Variants in MRPS18B observed in about 807,000 individuals in gnomAD.
MRPS18B encodes small ribosomal subunit protein mS40.
Under a neutral mutation model 28.4 loss-of-function variants are expected in MRPS18B, and 27 were observed. The ratio of observed to expected loss-of-function variants is 0.95; its 90% CI spans 0.70 to 1.31. The LOEUF is 1.31. Among genes scored for constraint, MRPS18B ranks in the 40% most tolerant of loss-of-function variants. The pLI is 0.00. For synonymous variants in MRPS18B, 118 were observed against 123.7 expected (o/e 0.95, Z 0.30); for missense variants, 343 against 335.9 (o/e 1.02, Z -0.17).
At chr6:30,622,255 G>C (rs1055061482) in intron 4 of MRPS18B, among the ~76,000 whole-genome samples, 3 of 151,780 alleles carry the variant, frequency 2.0e-5, no homozygotes, top group Non-Finnish European at 2.9e-5. Flanking sequence ...TCACCTAAAG[G>C]CTGACGTTAG....
intron 3 of MRPS18B, 38 bp downstream of exon 3, chr6:30,619,844 C>A (rs150099195): frequency 6.2e-7 from 1 of 1,609,402 alleles, no homozygotes; most frequent in South Asian, 1.1e-5. Context: ...TGCGGGGAGG[C>A]CACAAGTAAC....
chr6:30,625,255 C>T (rs1218896845), intron 6 of MRPS18B, among the ~76,000 whole-genome samples: 1 of 152,140 alleles, frequency 6.6e-6, no homozygotes, highest in Non-Finnish European at 1.5e-5. Flanking sequence ...AAAAAGTATA[C>T]CCCTCTGCTA....
At chr6:30,621,300 G>A (rs1332134784) in intron 4 of MRPS18B, among the ~76,000 whole-genome samples, 3 of 152,214 alleles carry the variant, frequency 2.0e-5, no homozygotes, top group African/African-American at 7.2e-5. Context: ...TACTTGGGAG[G>A]CTGAGGCAGG....
At position 30,619,560 on chromosome 6, in the gene MRPS18B, C is replaced by T; in HGVS notation, c.146C>T (p.Ser49Phe). 2 of 1,613,034 alleles carry T rather than the reference C, an allele frequency of 1.2e-6. No homozygotes were observed. The highest frequency in any genetic ancestry group is 1.7e-6 in the Non-Finnish European group (2 of 1,180,000). The change falls in exon 2 of 7, where the codon TCT becomes TTT. Residue 49 changes from serine (S) to phenylalanine (F), a missense_variant. Ser to Phe is a radical substitution (Grantham distance 155). Coordinates refer to ENST00000259873, the MANE Select transcript of MRPS18B (RefSeq NM_014046.4). Reference sequence around the variant, plus strand: ...GATTCTTTGTCCTCAGTTCCCATTTCTCCTTATAAGGATGAGCCCTGGAAA... The same window carrying T: ...GATTCTTTGTCCTCAGTTCCCATTTTTCCTTATAAGGATGAGCCCTGGAAA... ...EEDSLSSVPI[S>F]PYKDEPWKYL...
At chr6:30,619,006 C>T (rs910271875) in intron 1 of MRPS18B, among the ~76,000 whole-genome samples, 1 of 152,190 alleles carries the variant, frequency 6.6e-6, no homozygotes, top group African/African-American at 2.4e-5. Context: ...CAACCTCCGC[C>T]TCCCGGGTTC....
Position 30,622,870 on chromosome 6 carries a change from G to C in MRPS18B, c.393G>C (p.Thr131=). 2 of 1,612,986 alleles carry C rather than the reference G, an allele frequency of 1.2e-6. No homozygotes were observed. Among genetic ancestry groups the C allele is most frequent in the Non-Finnish European group, 8.5e-7 (1 of 1,180,022 alleles). Residue 131 remains threonine, a synonymous_variant, in exon 5 of 7, where the codon ACG becomes ACC. Coordinates refer to ENST00000259873, the MANE Select transcript of MRPS18B (RefSeq NM_014046.4). ...TGGAGCAATTTGTCTGCGCCCACAC[G>C]GGTATCATCTTCTATGCTCCATACA... ...KLLEQFVCAH[T]GIIFYAPYTG...
chr6:30,622,763 C>G, intron 4 of MRPS18B, 69 bp from the exon 5 acceptor site: 1 of 1,465,244 alleles, frequency 6.8e-7, no homozygotes, highest in Admixed American at 1.7e-5. Flanking sequence ...TGTGTACTTT[C>G]GATGTCCAAA....
chr6:30,621,922 G>C (rs1017380689), intron 4 of MRPS18B, among the ~76,000 whole-genome samples: 12 of 152,216 alleles, frequency 7.9e-5, no homozygotes, highest in Non-Finnish European at 1.5e-4. Flanking sequence ...ACTCCAGCCT[G>C]AGCAGCAGAG....
chr6:30,622,178 A>G (rs1761197833), intron 4 of MRPS18B, among the ~76,000 whole-genome samples: 1 of 152,176 alleles, frequency 6.6e-6, no homozygotes, highest in South Asian at 2.1e-4. Flanking sequence ...TTAGTTGTTT[A>G]TACATACACA....
At chr6:30,624,296 A>G (rs1761348655) in intron 5 of MRPS18B, among the ~76,000 whole-genome samples, 1 of 151,336 alleles carries the variant, frequency 6.6e-6, no homozygotes, top group East Asian at 1.9e-4. Flanking sequence ...GGGTTTCACC[A>G]TTTTGGCCAG....
At chr6:30,624,097 G>A (rs1468241099) in intron 5 of MRPS18B, among the ~76,000 whole-genome samples, 2 of 144,072 alleles carry the variant, frequency 1.4e-5, no homozygotes, top group Non-Finnish European at 3.0e-5. Flanking sequence ...TTGGGGGGGT[G>A]TGGGTGGGGG....
At chr6:30,623,024 T>TA in intron 5 of MRPS18B, 126 bp downstream of exon 5, 1 of 929,556 alleles carries the variant, frequency 1.1e-6, no homozygotes, top group Non-Finnish European at 1.6e-6. Context: ...CTGAACCTTT[T>TA]GGAAATCTTG....
At position 30,624,949 on chromosome 6, in the gene MRPS18B, A is replaced by G; in HGVS notation, c.481+7A>G. ...CAGAAAGCCAGGGATCATGGTGAGC[A>G]TGAGACGGGGCACACAGCAGTTTTG... On this transcript the variant is annotated splice_region_variant and intron_variant, in intron 6 of 6. Transcript: ENST00000259873. 2 of 1,612,996 alleles carry G rather than the reference A, an allele frequency of 1.2e-6. No homozygotes were observed. The highest frequency in any genetic ancestry group is 1.7e-5 in the Admixed American group (1 of 60,008).
At chr6:30,619,889 A>T in intron 3 of MRPS18B, 32 bp from the exon 4 acceptor site, 1 of 1,613,370 alleles carries the variant, frequency 6.2e-7, no homozygotes, top group Non-Finnish European at 8.5e-7. Flanking sequence ...GTGTTTGAAC[A>T]TCCTTAACTG....
Position 30,617,943 on chromosome 6 carries a change from G to C in MRPS18B, c.78G>C (p.Gln26His). 1 of 1,614,136 alleles carries C rather than the reference G, an allele frequency of 6.2e-7. No homozygotes were observed. The highest frequency in any genetic ancestry group is 8.5e-7 in the Non-Finnish European group (1 of 1,179,984). ...LSLFRGSHRV[Q>H]VPLQTLCTKA... ...TCTTCCGAGGTTCTCACAGAGTTCA[G>C]GTAACTCTTCGAAAGACATTTTGCA... The change falls in exon 1 of 7, where the codon CAG (glutamine) becomes CAC (histidine). Residue 26 changes from glutamine (Q) to histidine (H), a missense_variant and splice_region_variant. Coordinates refer to ENST00000259873, the MANE Select transcript of MRPS18B (RefSeq NM_014046.4).
intron 5 of MRPS18B, 113 bp downstream of exon 5, chr6:30,623,011 T>A: frequency 9.5e-7 from 1 of 1,055,986 alleles, no homozygotes; most frequent in Non-Finnish European, 1.4e-6. Flanking sequence ...CTAAAAGGTC[T>A]GGCTGAACCT....
At chr6:30,624,990 G>A (rs1761406629) in intron 6 of MRPS18B, 48 bp downstream of exon 6, 2 of 1,599,900 alleles carry the variant, frequency 1.3e-6, no homozygotes, top group Non-Finnish European at 8.6e-7. Context: ...GTATAAGGAA[G>A]ATGACTTAGG....
At chr6:30,625,066 C>T (rs1038772732) in intron 6 of MRPS18B, 124 bp downstream of exon 6, 13 of 981,018 alleles carry the variant, frequency 1.3e-5, no homozygotes, top group Admixed American at 4.3e-5. Context: ...TTCTTCCTGA[C>T]GTTACATTGT....
chr6:30,622,817 C>T lies in MRPS18B; in HGVS notation c.355-15C>T, dbSNP rs775248906. On this transcript the variant is annotated splice_polypyrimidine_tract_variant and intron_variant, in intron 4 of 6. Coordinates refer to ENST00000259873, the MANE Select transcript of MRPS18B (RefSeq NM_014046.4). ...GCCTCTTTTCCTCACGTTTCTCTAC[C>T]ACTTTCCCCCACAGAACGTGAAGCT... is the stretch of plus-strand genomic sequence containing the variant. 3 of 1,612,546 alleles carry T rather than the reference C, an allele frequency of 1.9e-6. No individual in the cohort carries two copies. Among genetic ancestry groups the T allele is most frequent in the Non-Finnish European group, 1.7e-6 (2 of 1,179,758 alleles).
Sources: gnomAD v4.1 joint callset for allele counts (sites outside exome capture counted in the v4.1 genomes callset) on GRCh38, gnomAD v4.1.1 for gene constraint, MANE v1.5 for transcripts, NCBI Gene and HGNC (gene_info 2026-07-23, HGNC 2026-07-21) for gene names.